The following EXOC2 variants were observed in gnomAD, a reference collection of about 807,000 sequenced individuals.
EXOC2 encodes exocyst complex component 2, also known as SEC5-like 1.
A neutral mutation model predicts 131.8 loss-of-function variants in EXOC2; 70 were observed. The observed-to-expected ratio is 0.53, with a 90% CI of 0.44 to 0.65. The LOEUF is 0.65. Ranked by LOEUF, EXOC2 falls within the 30% of genes least tolerant of loss-of-function variation. EXOC2 has a pLI of 0.00. For missense variants in EXOC2, 923 were observed against 1,108.6 expected (o/e 0.83, Z 2.38); for synonymous variants, 411 against 398.4 (o/e 1.03, Z -0.38).
In EXOC2 at chr6:564,715, G is replaced by A. The variant is rs373775266; in HGVS notation, c.1510-13C>T. 4.4e-6 allele frequency: 7 copies of A among 1,586,468 alleles called. No individual in the cohort carries two copies. In the African/African-American group the frequency reaches 9.5e-5, roughly 21 times the overall value. Reference sequence around the variant, plus strand: ...CCTGAATCATTTTCTAGAAAACCAGGAACAAGCATAACCGTGTTCAAATGT... The same window carrying A: ...CCTGAATCATTTTCTAGAAAACCAGAAACAAGCATAACCGTGTTCAAATGT... On this transcript the variant is annotated splice_polypyrimidine_tract_variant and intron_variant, in intron 14 of 27. Coordinates refer to ENST00000230449, the MANE Select transcript of EXOC2 (RefSeq NM_018303.6).
At position 657,059 on chromosome 6, in the gene EXOC2, G is replaced by A. The variant is rs878871111; in HGVS notation, c.-43-19198C>T. ...TCCCCGCCCTCCCTCCGGCCCCCCA[G>A]CTAGGCAGGCACTCGGGTTCCCGGT... is the stretch of plus-strand genomic sequence containing the variant. On this transcript the variant is annotated intron_variant, in intron 1 of 27. Coordinates refer to ENST00000230449, the MANE Select transcript of EXOC2 (RefSeq NM_018303.6). 7.8e-5 allele frequency: 67 copies of A among 863,600 alleles called. No homozygotes were observed. The South Asian group carries it at 1.4e-3, about 19-fold the overall frequency. The allele number at this position is 863,600 out of a possible 1,614,324, so 53.5% of individuals were successfully genotyped here. A position where few individuals can be genotyped will look rare whatever the true frequency, so the allele number is the denominator to read the frequency against.
intron 1 of EXOC2, among the ~76,000 whole-genome samples, chr6:651,818 G>C (rs1385570258): frequency 6.6e-6 from 1 of 152,016 alleles, no homozygotes; most frequent in East Asian, 1.9e-4. Flanking sequence ...AGCACTTTGG[G>C]AGGCCGAGGC....
intron 11 of EXOC2, among the ~76,000 whole-genome samples, chr6:586,901 T>C (rs1015797746): frequency 1.3e-5 from 2 of 151,908 alleles, no homozygotes; most frequent in Non-Finnish European, 2.9e-5. Flanking sequence ...TGAGACACCT[T>C]TGTCACATGC....
intron 6 of EXOC2, among the ~76,000 whole-genome samples, chr6:610,619 T>C (rs1253340657): frequency 5.9e-5 from 9 of 152,200 alleles, no homozygotes; most frequent in Admixed American, 3.9e-4. Flanking sequence ...AGTAACTAGG[T>C]AATGCAAATA....
rs752291724 is a variant in EXOC2, at chr6:555,330, C to T, written c.1993-42G>A. On this transcript the variant is annotated intron_variant, in intron 19 of 27. Transcript: ENST00000230449. ...GTTTCAGAACTCTCAGAGGAATGAACTCCTAGACATTAATCTATTTGGACA... is the reference window on the plus strand; with the variant it reads ...GTTTCAGAACTCTCAGAGGAATGAATTCCTAGACATTAATCTATTTGGACA... 8 of 1,263,726 alleles carry T rather than the reference C, an allele frequency of 6.3e-6. No individual in the cohort carries two copies. The African/African-American group carries it at 1.2e-4, about 19-fold the overall frequency. The allele number at this position is 1,263,726 out of a possible 1,614,324, so 78.3% of individuals were successfully genotyped here.
At chr6:648,576 C>A (rs987944871) in intron 1 of EXOC2, among the ~76,000 whole-genome samples, 1 of 152,068 alleles carries the variant, frequency 6.6e-6, no homozygotes, top group African/African-American at 2.4e-5. Flanking sequence ...TCTGACTTTG[C>A]CTGTCATAAA....
intron 12 of EXOC2, among the ~76,000 whole-genome samples, 153 bp from the exon 13 acceptor site, chr6:572,797 G>A (rs1306465578): frequency 6.6e-6 from 1 of 152,238 alleles, no homozygotes; most frequent in East Asian, 1.9e-4. Flanking sequence ...CCACCTGGCT[G>A]ACACCGGCAG....
At chr6:664,715 C>T (rs963500742) in intron 1 of EXOC2, among the ~76,000 whole-genome samples, 41 of 152,268 alleles carry the variant, frequency 2.7e-4, no homozygotes, top group African/African-American at 9.6e-4. Context: ...ACAAATGGTG[C>T]TAGTATAACT....
intron 13 of EXOC2, among the ~76,000 whole-genome samples, chr6:567,200 T>C (rs897135011): frequency 1.6e-4 from 25 of 152,220 alleles, no homozygotes; most frequent in Non-Finnish European, 2.6e-4. Context: ...CACTGCCAGC[T>C]GGGCCTGTCC....
Position 490,021 on chromosome 6 carries a change from G to A in EXOC2, c.2622-983C>T, listed in dbSNP as rs541434284. The stretch of plus-strand genomic sequence containing the variant: ...CACATTCAGCGGCCTCTTTCCTGGT[G>A]TGGAAGCCACTGCCGCTACCTCCAC... On this transcript the variant is annotated intron_variant, in intron 26 of 27. Coordinates refer to ENST00000230449, the MANE Select transcript of EXOC2 (RefSeq NM_018303.6). Among the ~76,000 whole-genome samples, 27 of 152,334 alleles carry A rather than the reference G, an allele frequency of 1.8e-4. No individual in the cohort carries two copies. The South Asian group carries it at 5.6e-3, about 32-fold the overall frequency.
At chr6:564,992 A>T (rs1235743017) in intron 13 of EXOC2, 63 bp from the exon 14 acceptor site, 1 of 1,322,076 alleles carries the variant, frequency 7.6e-7, no homozygotes, top group Non-Finnish European at 1.0e-6. Flanking sequence ...GAAATGCTTT[A>T]GCACTTGTAC....
At chr6:606,149 C>A (rs1760398111) in intron 7 of EXOC2, among the ~76,000 whole-genome samples, 1 of 152,184 alleles carries the variant, frequency 6.6e-6, no homozygotes, top group Non-Finnish European at 1.5e-5. Context: ...CCATCATTCT[C>A]AGCAAACTAT....
At chr6:573,013 C>T (rs979976798) in intron 12 of EXOC2, among the ~76,000 whole-genome samples, 1 of 152,218 alleles carries the variant, frequency 6.6e-6, no homozygotes, top group Non-Finnish European at 1.5e-5. Context: ...GTCCCGCCTT[C>T]TAACAGCAAA....
chr6:499,879 A>T (rs1214165241), intron 23 of EXOC2, among the ~76,000 whole-genome samples, 179 bp from the exon 24 acceptor site: 2 of 151,694 alleles, frequency 1.3e-5, no homozygotes, highest in Admixed American at 1.3e-4. Context: ...GGTCAAAAAG[A>T]AAAAAAAAGA....
At chr6:673,561 C>T (rs1763973424) in intron 1 of EXOC2, among the ~76,000 whole-genome samples, 1 of 152,106 alleles carries the variant, frequency 6.6e-6, no homozygotes, top group South Asian at 2.1e-4. Flanking sequence ...TCTAACAGTA[C>T]AGATTTTGAG....
In EXOC2 at chr6:546,213, A is replaced by C. The variant is rs549913445; in HGVS notation, c.2238+2962T>G. ...GAAAAAAAAATGCATGACTGGAAAA[A>C]GACATCTCCAGGACTTGAGCAAAAG... On this transcript the variant is annotated intron_variant, in intron 22 of 27. Transcript: ENST00000230449. 1.1e-4 allele frequency among the ~76,000 whole-genome samples: 16 copies of C among 152,272 alleles called. No homozygotes were observed. In the East Asian group the frequency reaches 3.1e-3, roughly 29 times the overall value.
chr6:636,600 C>CATA (rs1762112510), intron 2 of EXOC2, among the ~76,000 whole-genome samples: 1 of 152,186 alleles, frequency 6.6e-6, no homozygotes, highest in South Asian at 2.1e-4. Context: ...AACCAGCAGT[C>CATA]ATAATGCAGG....
chr6:673,892 G>A (rs1311153660), intron 1 of EXOC2, among the ~76,000 whole-genome samples: 1 of 151,938 alleles, frequency 6.6e-6, no homozygotes, highest in Non-Finnish European at 1.5e-5. Context: ...CTTAATACAG[G>A]GTTACCACAA....
intron 22 of EXOC2, among the ~76,000 whole-genome samples, chr6:535,399 G>T (rs192259955): frequency 6.6e-6 from 1 of 151,948 alleles, no homozygotes; most frequent in East Asian, 1.9e-4. Context: ...AATTAAAAAG[G>T]AATAACAACA....
Sources: gnomAD v4.1 joint callset for allele counts (sites outside exome capture counted in the v4.1 genomes callset) on GRCh38, gnomAD v4.1.1 for gene constraint, MANE v1.5 for transcripts, NCBI Gene and HGNC (gene_info 2026-07-23, HGNC 2026-07-21) for gene names.